ATF7: variants seen among roughly 807,000 people sequenced by gnomAD.
ATF7 encodes the protein cyclic AMP-dependent transcription factor ATF-7.
Under a neutral mutation model 50.4 loss-of-function variants are expected in ATF7, and 10 were observed. That is an observed-to-expected ratio of 0.20 (90% CI 0.12 to 0.34). The LOEUF is 0.34. Ranked by LOEUF, ATF7 falls within the 10% of genes least tolerant of loss-of-function variation. The pLI, the probability that ATF7 is intolerant of heterozygous loss-of-function variation, is 1.00. For missense variants in ATF7, 465 were observed against 613.9 expected (o/e 0.76, Z 2.56); for synonymous variants, 201 against 226.4 (o/e 0.89, Z 1.01).
At position 53,587,366 on chromosome 12, in the gene ATF7, C is replaced by CAAAAAAA. The variant is rs55904354; in HGVS notation, c.48+13580_48+13586dup. Among the ~76,000 whole-genome samples, 26 of 62,296 alleles carry CAAAAAAA rather than the reference C, an allele frequency of 4.2e-4. 1 individual carries two copies. In the East Asian group the frequency reaches 0.012, roughly 29 times the overall value. The allele number at this position is 62,296 out of a possible 152,430, so 40.9% of individuals were successfully genotyped here. On this transcript the variant is annotated intron_variant, in intron 2 of 11. Coordinates refer to ENST00000420353, the MANE Select transcript of ATF7 (RefSeq NM_006856.3). ...TGGGTGACAGAGCGAAATTCCGCAT[C>CAAAAAAA]AAAAAAAAAAAAAAAAAGAAGGAAA...
At chr12:53,540,454 T>C (rs1350580549) in intron 4 of ATF7, among the ~76,000 whole-genome samples, 1 of 151,938 alleles carries the variant, frequency 6.6e-6, no homozygotes, top group African/African-American at 2.4e-5. Context: ...CCAGGCGCGG[T>C]GGCTCACGCC....
chr12:53,543,602 G>A (rs1939703444), intron 3 of ATF7, among the ~76,000 whole-genome samples, 154 bp from the exon 4 acceptor site: 2 of 152,166 alleles, frequency 1.3e-5, no homozygotes, highest in African/African-American at 4.8e-5. Context: ...TCTAGTAGGC[G>A]AAGGCTGGTG....
At position 53,512,163 on chromosome 12, in the gene ATF7, T is replaced by C. The variant is rs1944145424; in HGVS notation, c.*4974A>G. The C allele has an allele frequency of 6.6e-6, 1 of 151,498 alleles. No homozygotes were observed. The highest frequency in any genetic ancestry group is 1.5e-5 in the Non-Finnish European group (1 of 67,906). 9.4% of individuals were successfully genotyped at this position (151,498 alleles called of 1,614,324 possible). On this transcript the variant is annotated 3_prime_UTR_variant, in exon 12 of 12. Coordinates refer to ENST00000420353, the MANE Select transcript of ATF7 (RefSeq NM_006856.3). ...CATAGCTGGGGGGATAACTGCTAAG[T>C]GGCAAGGGGGAAAGGAAGACAGTAT...
At chr12:53,574,207 A>G (rs1565967320) in intron 2 of ATF7, among the ~76,000 whole-genome samples, 1 of 152,246 alleles carries the variant, frequency 6.6e-6, no homozygotes, top group Non-Finnish European at 1.5e-5. Flanking sequence ...CAGATGGATA[A>G]TATAAGAAGA....
chr12:53,561,955 G>A (rs914999851), intron 2 of ATF7, among the ~76,000 whole-genome samples: 1 of 152,084 alleles, frequency 6.6e-6, no homozygotes, highest in African/African-American at 2.4e-5. Context: ...GTTGTCAGGG[G>A]AATGAAGGAG....
chr12:53,625,655 A>C (rs1177011301), intron 1 of ATF7, among the ~76,000 whole-genome samples: 1 of 152,156 alleles, frequency 6.6e-6, no homozygotes, highest in Non-Finnish European at 1.5e-5. Context: ...CCTCATTTCC[A>C]ATAATCCACC....
At chr12:53,593,279 C>T (rs955332407) in intron 2 of ATF7, among the ~76,000 whole-genome samples, 11 of 152,056 alleles carry the variant, frequency 7.2e-5, no homozygotes, top group Non-Finnish European at 1.6e-4. Context: ...TGGTGGTGTG[C>T]ACCTGTAGTC....
Position 53,524,454 on chromosome 12 carries a change from T to C in ATF7, c.1125+110A>G. 2 of 1,227,156 alleles carry C rather than the reference T, an allele frequency of 1.6e-6. No homozygotes were observed. Among genetic ancestry groups the C allele is most frequent in the Non-Finnish European group, 2.3e-6 (2 of 874,844 alleles). 76.0% of individuals were successfully genotyped at this position (1,227,156 alleles called of 1,614,324 possible). ...AGATTCTTCATGGGACAACTAGATC[T>C]GTCCTAATTAGAGAATTACCATCTT... is the stretch of plus-strand genomic sequence containing the variant. On this transcript the variant is annotated intron_variant, in intron 10 of 11. Transcript: ENST00000420353. The surrounding 1 kb of genome is among the most constrained non-coding windows in gnomAD (Gnocchi z 4.6).
In ATF7 at chr12:53,618,932, G is replaced by A. The variant is rs565481890; in HGVS notation, c.-22+7347C>T. 5.9e-4 allele frequency among the ~76,000 whole-genome samples: 89 copies of A among 151,734 alleles called. 2 individuals carry two copies. Among genetic ancestry groups the A allele is most frequent in the African/African-American group, 2.1e-3 (88 of 41,344 alleles). On this transcript the variant is annotated intron_variant, in intron 1 of 11. Transcript: ENST00000420353. ...CCGGGCGCAGTGGTGGGCACCTGTAGTCCCAGCTACTTGGGAGGCTGAGGC... is the reference window on the plus strand; with the variant it reads ...CCGGGCGCAGTGGTGGGCACCTGTAATCCCAGCTACTTGGGAGGCTGAGGC...
chr12:53,556,165 TG>T (rs1190837209), intron 2 of ATF7, among the ~76,000 whole-genome samples: 1 of 152,222 alleles, frequency 6.6e-6, no homozygotes, highest in Non-Finnish European at 1.5e-5. Context: ...TATGCAGGGC[TG>T]TAAGTTTTCA....
intron 2 of ATF7, among the ~76,000 whole-genome samples, chr12:53,596,757 C>T (rs1943175212): frequency 6.6e-6 from 1 of 152,128 alleles, no homozygotes. Flanking sequence ...AAAGCGTCCT[C>T]CAAAAGTATA....
intron 1 of ATF7, among the ~76,000 whole-genome samples, chr12:53,620,622 G>A (rs1429971614): frequency 6.6e-6 from 1 of 151,082 alleles, no homozygotes; most frequent in Non-Finnish European, 1.5e-5. Flanking sequence ...CAGGTGTGGT[G>A]GCACATGCCT....
Position 53,606,318 on chromosome 12 carries a change from G to C in ATF7, c.-21-5297C>G, listed in dbSNP as rs1050600481. Among the ~76,000 whole-genome samples, 4 of 151,730 alleles carry C rather than the reference G, an allele frequency of 2.6e-5. No individual in the cohort carries two copies. The South Asian group carries it at 8.3e-4, about 32-fold the overall frequency. On this transcript the variant is annotated intron_variant, in intron 1 of 11. Transcript: ENST00000420353. ...AGAGTGAGTGCAATGGCATGATCTC[G>C]GCTCACCACAACCTCTGCCTCCCGG...
At chr12:53,553,017 G>A (rs969150875) in intron 2 of ATF7, among the ~76,000 whole-genome samples, 2 of 152,080 alleles carry the variant, frequency 1.3e-5, no homozygotes, top group Non-Finnish European at 2.9e-5. Context: ...GGCACTAGTT[G>A]GCCATCACAA....
chr12:53,514,412 T>C lies in ATF7; in HGVS notation c.*2725A>G, dbSNP rs1944225522. 6.6e-6 allele frequency: 1 copy of C among 152,222 alleles called. No individual in the cohort carries two copies. The highest frequency in any genetic ancestry group is 1.5e-5 in the Non-Finnish European group (1 of 68,046). The allele number at this position is 152,222 out of a possible 1,614,324, so 9.4% of individuals were successfully genotyped here. On this transcript the variant is annotated 3_prime_UTR_variant, in exon 12 of 12. Transcript: ENST00000420353. ...AAGTGACACCTTCCATGATGTTTGG[T>C]TCTGGTCCAGATGGATCTGGAAGAC...
intron 3 of ATF7, among the ~76,000 whole-genome samples, chr12:53,547,747 TTATGTATG>T (rs57447677): frequency 0.054 from 8,057 of 149,138 alleles, 511 homozygotes; most frequent in African/African-American, 0.16. Context: ...TCGGCTAATT[TTATGTATG>T]TATGTATGTA....
At chr12:53,605,014 G>A (rs529569034) in intron 1 of ATF7, among the ~76,000 whole-genome samples, 187 of 152,160 alleles carry the variant, frequency 1.2e-3, no homozygotes, top group African/African-American at 3.9e-3. Flanking sequence ...TCATTTAGAC[G>A]CTATGTATAT....
At chr12:53,518,272 G>T (rs542900776) in intron 11 of ATF7, among the ~76,000 whole-genome samples, 2 of 152,362 alleles carry the variant, frequency 1.3e-5, no homozygotes, top group South Asian at 4.1e-4. Flanking sequence ...TCCCTGGCCC[G>T]GGTTCAGTTA....
chr12:53,597,260 C>G (rs1486595918), intron 2 of ATF7, among the ~76,000 whole-genome samples: 1 of 151,968 alleles, frequency 6.6e-6, no homozygotes, highest in Non-Finnish European at 1.5e-5. Flanking sequence ...GGAAGTGGAT[C>G]ATGAACAGAA....
Sources: gnomAD v4.1 joint callset for allele counts (sites outside exome capture counted in the v4.1 genomes callset) on GRCh38, gnomAD v4.1.1 for gene constraint, Gnocchi (gnomAD v3.1) non-coding constraint, MANE v1.5 for transcripts, NCBI Gene and HGNC (gene_info 2026-07-23, HGNC 2026-07-21) for gene names.